Variants in UGT1A10 observed in about 807,000 individuals in gnomAD.
UGT1A10 encodes the protein UDP-glucuronosyltransferase 1A10.
In UGT1A10, 49 loss-of-function variants were observed where a neutral mutation model predicts 45.8. The observed-to-expected ratio is 1.07, with a 90% CI of 0.85 to 1.36. The LOEUF is 1.36. UGT1A10 is among the 40% of genes most tolerant of loss of function. The pLI is 0.00. For missense variants in UGT1A10, 745 were observed against 668.6 expected (o/e 1.11, Z -1.26); for synonymous variants, 284 against 249.7 (o/e 1.14, Z -1.29).
intron 1 of UGT1A10, among the ~76,000 whole-genome samples, chr2:233,684,674 T>C (rs983041087): frequency 2.0e-5 from 3 of 152,100 alleles, no homozygotes; most frequent in African/African-American, 7.2e-5. Context: ...AATATACATA[T>C]GATAGGATTT....
At chr2:233,645,433 A>G (rs899269829) in intron 1 of UGT1A10, among the ~76,000 whole-genome samples, 6 of 152,300 alleles carry the variant, frequency 3.9e-5, no homozygotes, top group African/African-American at 1.2e-4. Context: ...CATTAACTCA[A>G]AAGTCCACAG....
intron 1 of UGT1A10, chr2:233,743,866 C>G (rs1227330853): frequency 7.3e-7 from 1 of 1,367,058 alleles, no homozygotes; most frequent in Non-Finnish European, 9.8e-7. Context: ...TCTTGATGGC[C>G]TCGGATGAGG....
chr2:233,668,737 A>G (rs2074125533), intron 1 of UGT1A10, among the ~76,000 whole-genome samples: 1 of 152,190 alleles, frequency 6.6e-6, no homozygotes, highest in South Asian at 2.1e-4. Flanking sequence ...ATCACAACTC[A>G]TTAATCAACA....
At chr2:233,646,925 C>A (rs779188061) in intron 1 of UGT1A10, among the ~76,000 whole-genome samples, 9 of 152,150 alleles carry the variant, frequency 5.9e-5, no homozygotes, top group Non-Finnish European at 1.2e-4. Flanking sequence ...TGTTTTCATG[C>A]TGCTGATAAA....
At position 233,637,392 on chromosome 2, in the gene UGT1A10, C is replaced by T; in HGVS notation, c.855+15C>T. ...CATTGCCTATGGTAAGTCACCTCTC[C>T]TTTAGCACATTAAGAATAATCTGGC... On this transcript the variant is annotated intron_variant, in intron 1 of 4. Transcript: ENST00000344644. 6.2e-7 allele frequency: 1 copy of T among 1,600,842 alleles called. No homozygotes were observed.
At chr2:233,693,962 T>A in intron 1 of UGT1A10, 2 of 1,580,092 alleles carry the variant, frequency 1.3e-6, no homozygotes, top group Non-Finnish European at 8.6e-7. Flanking sequence ...CTTGGAGGAT[T>A]TCCTGGAGAA....
At chr2:233,750,638 T>A (rs1330204251) in intron 1 of UGT1A10, 1 of 150,162 alleles carries the variant, frequency 6.7e-6, no homozygotes, top group Non-Finnish European at 1.5e-5. Context: ...CCCCCTGCTG[T>A]GTGCAGCCTC....
At chr2:233,664,747 G>A (rs888093811) in intron 1 of UGT1A10, among the ~76,000 whole-genome samples, 11 of 152,114 alleles carry the variant, frequency 7.2e-5, no homozygotes, top group African/African-American at 2.7e-4. Context: ...CTCCAACATT[G>A]GGTATCATAT....
chr2:233,654,662 T>C (rs1339332172), intron 1 of UGT1A10, among the ~76,000 whole-genome samples: 1 of 152,198 alleles, frequency 6.6e-6, no homozygotes, highest in Non-Finnish European at 1.5e-5. Flanking sequence ...CAACACCAAT[T>C]GCTACAGGAA....
At chr2:233,661,682 T>TC (rs1559329471) in intron 1 of UGT1A10, among the ~76,000 whole-genome samples, 12 of 150,360 alleles carry the variant, frequency 8.0e-5, no homozygotes, top group African/African-American at 2.0e-4. Context: ...TTTCTTTCTT[T>TC]TTAAACAAAG....
intron 1 of UGT1A10, chr2:233,739,179 C>T (rs1480075812): frequency 1.3e-5 from 2 of 152,348 alleles, no homozygotes; most frequent in East Asian, 3.9e-4. Context: ...TAAGGAAATG[C>T]TTGGATGTCC....
intron 2 of UGT1A10, 116 bp downstream of exon 2, chr2:233,767,281 C>T: frequency 6.4e-7 from 1 of 1,571,624 alleles, no homozygotes; most frequent in Non-Finnish European, 8.6e-7. Flanking sequence ...TTTTCCCTGC[C>T]ACTTCCCAAC....
intron 4 of UGT1A10, chr2:233,771,323 A>G (rs112105474): frequency 2.6e-5 from 4 of 151,390 alleles, no homozygotes; most frequent in Admixed American, 6.6e-5. Flanking sequence ...CTCCTCTTCA[A>G]TCTCCTCTTC....
At chr2:233,692,860 C>A in intron 1 of UGT1A10, 2 of 1,471,358 alleles carry the variant, frequency 1.4e-6, no homozygotes, top group South Asian at 2.9e-5. Context: ...TGGGTTCTTA[C>A]ATATCAAAGG....
At chr2:233,697,483 G>T (rs372892413) in intron 1 of UGT1A10, among the ~76,000 whole-genome samples, 3 of 148,958 alleles carry the variant, frequency 2.0e-5, no homozygotes, top group African/African-American at 7.4e-5. Flanking sequence ...CTAGCTCAAG[G>T]TTTGCCAATT....
At chr2:233,658,405 G>A (rs7608713) in intron 1 of UGT1A10, among the ~76,000 whole-genome samples, 42,376 of 152,138 alleles carry the variant, frequency 0.28, 6,779 homozygotes, top group African/African-American at 0.44. Flanking sequence ...ACTAAAGTCT[G>A]TGTTCTCTGC....
At position 233,772,470 on chromosome 2, in the gene UGT1A10, A is replaced by G. The variant is rs1372118451; in HGVS notation, c.1504A>G (p.Ile502Val). 4 of 1,614,038 alleles carry G rather than the reference A, an allele frequency of 2.5e-6. No homozygotes were observed. The Admixed American group carries it at 5.0e-5, about 20-fold the overall frequency. Residue 502 changes from isoleucine (I) to valine (V), a missense_variant, in exon 5 of 5, where the codon ATC becomes GTC. Coordinates refer to ENST00000344644, the MANE Select transcript of UGT1A10 (RefSeq NM_019075.4). Reference protein sequence around the residue: ...LLAVVLTVAFITFKCCAYGYR... With the variant: ...LLAVVLTVAFVTFKCCAYGYR... ...GGCCGTCGTGCTGACAGTGGCCTTC[A>G]TCACCTTTAAATGTTGTGCTTATGG...
rs531022939 is a variant in UGT1A10, at chr2:233,675,047, G to A, written c.855+37670G>A. ...TATGTGTTTGCACATGTATGTGTTT[G>A]TGTATGTGCAGGTGTGTTTGTGTGC... On this transcript the variant is annotated intron_variant, in intron 1 of 4. Coordinates refer to ENST00000344644, the MANE Select transcript of UGT1A10 (RefSeq NM_019075.4). 6.9e-4 allele frequency among the ~76,000 whole-genome samples: 105 copies of A among 152,282 alleles called. 1 individual carries two copies. The highest frequency in any genetic ancestry group is 2.3e-3 in the African/African-American group (94 of 41,542).
At chr2:233,764,548 G>A (rs1431186890) in intron 1 of UGT1A10, among the ~76,000 whole-genome samples, 1 of 152,168 alleles carries the variant, frequency 6.6e-6, no homozygotes, top group African/African-American at 2.4e-5. Context: ...TGGGCGTGTG[G>A]GAGGGTGTGC....
Sources: allele counts gnomAD v4.1 joint callset (sites outside exome capture counted in the v4.1 genomes callset), GRCh38; gene constraint gnomAD v4.1.1; transcripts MANE v1.5; gene names NCBI Gene and HGNC (gene_info 2026-07-23, HGNC 2026-07-21).